Variants in NEBL observed in about 807,000 individuals in gnomAD.
NEBL encodes nebulette.
A neutral mutation model predicts 140.2 loss-of-function variants in NEBL; 122 were observed. The observed-to-expected ratio is 0.87, with a 90% CI of 0.75 to 1.01. The LOEUF (loss-of-function observed/expected upper bound fraction) is 1.01, where lower values mean the gene tolerates loss of function less well. Among genes scored for constraint, NEBL ranks in the 50% least tolerant of loss-of-function variants. The probability of loss-of-function intolerance (pLI) is 0.00; values close to 1 mark genes in which losing one functional copy is unlikely to be tolerated. For synonymous variants in NEBL, 436 were observed against 398.9 expected, an observed-to-expected ratio of 1.09 and a Z score of -1.11; for missense variants, 1,365 against 1,231.3, an observed-to-expected ratio of 1.11 and a Z score of -1.62.
intron 2 of NEBL, among the ~76,000 whole-genome samples, chr10:21,054,403 C>A (rs1464124383): frequency 6.6e-6 from 1 of 152,118 alleles, no homozygotes; most frequent in African/African-American, 2.4e-5. Flanking sequence ...CGGAACGTTC[C>A]AAGTCAACCG....
chr10:21,217,934 A>C (rs1842017707), intron 3 of NEBL: 1 of 152,436 alleles, frequency 6.6e-6, no homozygotes, highest in African/African-American at 2.4e-5. Context: ...AGTACTAGCC[A>C]GCTAAAGTTT....
At position 20,950,586 on chromosome 10, in the gene NEBL, G is replaced by A. The variant is rs1835409667; in HGVS notation, c.357+11086C>T. 2.6e-5 allele frequency among the ~76,000 whole-genome samples: 4 copies of A among 152,152 alleles called. No homozygotes were observed. In the South Asian group the frequency reaches 8.3e-4, roughly 32 times the overall value. ...ACTTTTTCTGAAATCCACACGGCCT[G>A]ATGCAATGTCATGTCCAGACCCAAT... On this transcript the variant is annotated intron_variant, in intron 4 of 6. Coordinates refer to the NEBL transcript ENST00000417816.
At chr10:21,260,462 T>C (rs949212452) in intron 1 of NEBL, among the ~76,000 whole-genome samples, 1 of 152,244 alleles carries the variant, frequency 6.6e-6, no homozygotes, top group Non-Finnish European at 1.5e-5. Context: ...TTAGATAATT[T>C]CCTCTTTTTC....
chr10:21,285,617 C>G (rs781623793), intron 1 of NEBL, among the ~76,000 whole-genome samples: 1 of 152,204 alleles, frequency 6.6e-6, no homozygotes, highest in African/African-American at 2.4e-5. Context: ...TGGGCATGTC[C>G]TCAACCTTGG....
At chr10:20,809,951 A>T (rs1837972953) in intron 24 of NEBL, 53 bp from the exon 25 acceptor site, 142 of 380,798 alleles carry the variant, frequency 3.7e-4, no homozygotes, top group Non-Finnish European at 4.3e-4. Flanking sequence ...TTAAAAAAGG[A>T]AAAAAAAAAA....
chr10:20,954,799 C>A (rs1455896939), intron 4 of NEBL, among the ~76,000 whole-genome samples: 9 of 152,096 alleles, frequency 5.9e-5, no homozygotes, highest in Non-Finnish European at 8.8e-5. Flanking sequence ...TTTCCGGGGA[C>A]CCCCTCCCAT....
At chr10:20,814,864 G>A (rs1838566620) in intron 22 of NEBL, among the ~76,000 whole-genome samples, 1 of 152,164 alleles carries the variant, frequency 6.6e-6, no homozygotes, top group Non-Finnish European at 1.5e-5. Context: ...GGTAATTTAT[G>A]TTAAATACAC....
At chr10:20,819,302 G>A in intron 20 of NEBL, 122 bp downstream of exon 20, 1 of 1,448,480 alleles carries the variant, frequency 6.9e-7, no homozygotes. Flanking sequence ...TCATTATTAT[G>A]CAGTATTTGG....
intron 3 of NEBL, among the ~76,000 whole-genome samples, chr10:20,989,692 AC>A (rs899921661): frequency 3.9e-5 from 6 of 152,148 alleles, no homozygotes; most frequent in African/African-American, 1.4e-4. Context: ...CAGCAATAGA[AC>A]CCCACTTATA....
intron 2 of NEBL, among the ~76,000 whole-genome samples, chr10:20,894,751 A>T (rs1203230877): frequency 1.1e-4 from 2 of 18,894 alleles, no homozygotes; most frequent in African/African-American, 3.7e-4. Context: ...CGTCTCTACT[A>T]AAAAAAAAAA....
At chr10:21,037,790 G>A (rs1316281607) in intron 2 of NEBL, among the ~76,000 whole-genome samples, 1 of 150,336 alleles carries the variant, frequency 6.7e-6, no homozygotes, top group East Asian at 2.0e-4. Flanking sequence ...ATAAATTGGA[G>A]GTCAAAAAAC....
intron 3 of NEBL, among the ~76,000 whole-genome samples, chr10:20,990,243 A>G (rs534891174): frequency 6.0e-4 from 92 of 152,340 alleles, no homozygotes; most frequent in African/African-American, 2.1e-3. Context: ...GGTCCATGGC[A>G]TACAAAAAGC....
chr10:21,075,701 T>A (rs1206071529), intron 2 of NEBL, among the ~76,000 whole-genome samples: 1 of 152,196 alleles, frequency 6.6e-6, no homozygotes, highest in African/African-American at 2.4e-5. Flanking sequence ...GGATGCTTGA[T>A]TTTCTCAAGC....
intron 3 of NEBL, among the ~76,000 whole-genome samples, chr10:20,984,282 T>A (rs1474050403): frequency 1.3e-5 from 2 of 152,224 alleles, no homozygotes; most frequent in Admixed American, 1.3e-4. Context: ...CTCAACTTAA[T>A]AACAAAATTA....
chr10:21,173,692 T>C lies in NEBL; in HGVS notation c.69+73A>G. On this transcript the variant is annotated intron_variant, in intron 1 of 6. Coordinates refer to the NEBL transcript ENST00000417816. This position sits in a 1 kb window ranked among gnomAD's most constrained non-coding sequence, Gnocchi z 5.7. ...CCCACTCATTGCTTTCCATCCCAGG[T>C]GCCAAAACTTCTCGAAGCAGGTGCA... is the stretch of plus-strand genomic sequence containing the variant. 6.2e-7 allele frequency: 1 copy of C among 1,606,422 alleles called. No individual in the cohort carries two copies. Among genetic ancestry groups the C allele is most frequent in the Non-Finnish European group, 8.5e-7 (1 of 1,179,030 alleles).
At chr10:21,067,714 C>T (rs1009753610) in intron 2 of NEBL, among the ~76,000 whole-genome samples, 1 of 152,122 alleles carries the variant, frequency 6.6e-6, no homozygotes, top group African/African-American at 2.4e-5. Flanking sequence ...GGCACGGTGG[C>T]TCCTATAATC....
At chr10:21,267,247 A>G (rs1351608654) in intron 1 of NEBL, among the ~76,000 whole-genome samples, 8 of 152,242 alleles carry the variant, frequency 5.3e-5, no homozygotes, top group Admixed American at 6.5e-5. Context: ...AAGTGCTGGG[A>G]TTACAGGCAT....
chr10:20,899,023 T>A (rs788975), upstream of NEBL, among the ~76,000 whole-genome samples: 125,072 of 152,162 alleles, frequency 0.82, 52,650 homozygotes, highest in South Asian at 0.92. Flanking sequence ...CATGCTGAAC[T>A]TGGAAACCAC....
chr10:20,819,397 A>G, intron 20 of NEBL, 27 bp downstream of exon 20: 1 of 1,613,814 alleles, frequency 6.2e-7, no homozygotes, highest in South Asian at 1.1e-5. Flanking sequence ...GTTTGAGAAA[A>G]TATAAAAGGA....
Sources: allele counts gnomAD v4.1 joint callset (sites outside exome capture counted in the v4.1 genomes callset), GRCh38; gene constraint gnomAD v4.1.1; non-coding constraint Gnocchi (gnomAD v3.1); transcripts MANE v1.5; gene names NCBI Gene and HGNC (gene_info 2026-07-23, HGNC 2026-07-21).